The following ALPL variants were observed in gnomAD, a reference collection of about 807,000 sequenced individuals.
ALPL encodes the protein alkaline phosphatase, biomineralization associated.
In ALPL, 42 loss-of-function variants were observed where a neutral mutation model predicts 51.3. The observed-to-expected ratio is 0.82, with a 90% CI of 0.64 to 1.06. The LOEUF is 1.06. Among genes scored for constraint, ALPL ranks in the 50% least tolerant of loss-of-function variants. The probability of loss-of-function intolerance (pLI) is 0.00; values close to 1 mark genes in which losing one functional copy is unlikely to be tolerated. For synonymous variants in ALPL, 279 were observed against 296.4 expected (o/e 0.94, Z 0.60); for missense variants, 589 against 709.4 (o/e 0.83, Z 1.93).
intron 1 of ALPL, among the ~76,000 whole-genome samples, chr1:21,547,100 T>G (rs1644262755): frequency 6.6e-6 from 1 of 152,208 alleles, no homozygotes; most frequent in Admixed American, 6.5e-5. Flanking sequence ...TCCCGACTGT[T>G]TCCATAGAAC....
chr1:21,570,399 GA>G (rs774815319), intron 8 of ALPL, 25 bp downstream of exon 8: 3 of 1,611,406 alleles, frequency 1.9e-6, no homozygotes, highest in Non-Finnish European at 2.5e-6. Context: ...TGGAGGGGAG[GA>G]TGCATGGCTC....
At chr1:21,514,056 C>T (rs1269054990) in intron 1 of ALPL, among the ~76,000 whole-genome samples, 1 of 152,204 alleles carries the variant, frequency 6.6e-6, no homozygotes, top group Non-Finnish European at 1.5e-5. Context: ...TCAGGGGGCT[C>T]AGGGTGAGAA....
chr1:21,575,958 G>C, intron 10 of ALPL, 34 bp downstream of exon 10: 1 of 1,612,914 alleles, frequency 6.2e-7, no homozygotes, highest in Non-Finnish European at 8.5e-7. Context: ...GACACTCCTG[G>C]GGTCTCCTGT....
At chr1:21,573,301 G>A (rs1027177782) in intron 8 of ALPL, among the ~76,000 whole-genome samples, 1 of 152,064 alleles carries the variant, frequency 6.6e-6, no homozygotes, top group Non-Finnish European at 1.5e-5. Context: ...GCTGGGTGTG[G>A]TGATGCATGT....
chr1:21,555,038 A>C (rs991522724), intron 2 of ALPL, among the ~76,000 whole-genome samples: 3 of 151,720 alleles, frequency 2.0e-5, no homozygotes, highest in African/African-American at 4.8e-5. Flanking sequence ...ACCTGGGTGC[A>C]GGCGGGCTAA....
At chr1:21,568,003 C>A in intron 6 of ALPL, 101 bp from the exon 7 acceptor site, 1 of 1,537,196 alleles carries the variant, frequency 6.5e-7, no homozygotes, top group Non-Finnish European at 9.0e-7. Context: ...AGTGTCCACA[C>A]CATCTCCAGG....
upstream of ALPL, chr1:21,509,270 G>T (rs1027618505): frequency 4.4e-4 from 64 of 145,754 alleles, no homozygotes; most frequent in African/African-American, 1.5e-3. The surrounding 1 kb of genome is among the most constrained non-coding windows in gnomAD (Gnocchi z 6.0). Flanking sequence ...CTCGTGGCAC[G>T]ACCGGCCCGC....
At chr1:21,541,308 G>A (rs571894659) in intron 1 of ALPL, among the ~76,000 whole-genome samples, 2 of 152,332 alleles carry the variant, frequency 1.3e-5, no homozygotes, top group African/African-American at 2.4e-5. Flanking sequence ...GTGTATGAAG[G>A]CATCCTTACA....
At chr1:21,520,896 C>G (rs751214156) in intron 1 of ALPL, among the ~76,000 whole-genome samples, 6 of 152,216 alleles carry the variant, frequency 3.9e-5, no homozygotes, top group African/African-American at 9.6e-5. Context: ...GCCTCAAACT[C>G]AGGTCAGGAT....
chr1:21,562,765 G>T (rs1644502332), intron 4 of ALPL, among the ~76,000 whole-genome samples: 1 of 151,198 alleles, frequency 6.6e-6, no homozygotes, highest in South Asian at 2.1e-4. Flanking sequence ...CCTTCTCCAG[G>T]ACTCCCCTGC....
intron 5 of ALPL, among the ~76,000 whole-genome samples, 178 bp from the exon 6 acceptor site, chr1:21,563,863 C>T (rs1045075739): frequency 4.6e-5 from 7 of 151,628 alleles, no homozygotes; most frequent in Non-Finnish European, 1.0e-4. Context: ...TCTGGCTGCT[C>T]GGCTACTTGG....
At chr1:21,532,027 A>G (rs1035750363) in intron 1 of ALPL, among the ~76,000 whole-genome samples, 1 of 152,080 alleles carries the variant, frequency 6.6e-6, no homozygotes, top group East Asian at 1.9e-4. Flanking sequence ...AGGAGGACCC[A>G]GGAGCCATAT....
chr1:21,577,244 G>T, intron 11 of ALPL, 139 bp from the exon 12 acceptor site: 3 of 1,388,400 alleles, frequency 2.2e-6, no homozygotes, highest in Non-Finnish European at 3.0e-6. Flanking sequence ...TAGGCAAAAT[G>T]ACTTTCCCAC....
chr1:21,538,132 T>C (rs1246126169), intron 1 of ALPL, among the ~76,000 whole-genome samples: 2 of 152,212 alleles, frequency 1.3e-5, no homozygotes, highest in Non-Finnish European at 2.9e-5. Flanking sequence ...CCTTGTTTAT[T>C]GTCTCACTGA....
Position 21,555,460 on chromosome 1 carries a change from A to G in ALPL, c.61+1318A>G, listed in dbSNP as rs1644400443. On this transcript the variant is annotated intron_variant, in intron 2 of 11. Transcript: ENST00000374840. ...AGACAGACTCTCACTCTGTTTGCCC[A>G]GGATGGAGTGCAGTGACGTGATCTC... Among the ~76,000 whole-genome samples the G allele has an allele frequency of 2.0e-5, 3 of 152,248 alleles. No homozygotes were observed. The South Asian group carries it at 6.2e-4, about 32-fold the overall frequency.
intron 1 of ALPL, among the ~76,000 whole-genome samples, chr1:21,522,249 A>AT (rs557372348): frequency 3.9e-5 from 6 of 151,954 alleles, no homozygotes; most frequent in East Asian, 1.9e-4. Context: ...TTTTTGTTGT[A>AT]TTTTTTAGTA....
At chr1:21,522,351 G>A (rs1013463837) in intron 1 of ALPL, among the ~76,000 whole-genome samples, 1 of 152,194 alleles carries the variant, frequency 6.6e-6, no homozygotes, top group Non-Finnish European at 1.5e-5. Flanking sequence ...TGGGATTACA[G>A]GCGTGAGCCA....
At position 21,510,785 on chromosome 1, in the gene ALPL, C is replaced by A. The variant is rs11578151; in HGVS notation, c.-105+1268C>A. 5.7e-3 allele frequency among the ~76,000 whole-genome samples: 870 copies of A among 152,328 alleles called. 12 individuals are homozygous for A. The highest frequency in any genetic ancestry group is 0.02 in the African/African-American group (828 of 41,576). ...GTCTTGCTCTTTCCAACTGTTTAGT[C>A]CTCCCCACCTGTGGGTGTCCCCACG... On this transcript the variant is annotated intron_variant, in intron 1 of 11. Coordinates refer to ENST00000374840, the MANE Select transcript of ALPL (RefSeq NM_000478.6).
At chr1:21,555,920 G>T (rs182326839) in intron 2 of ALPL, among the ~76,000 whole-genome samples, 1 of 151,500 alleles carries the variant, frequency 6.6e-6, no homozygotes, top group Non-Finnish European at 1.5e-5. Context: ...ACAGGTGCCC[G>T]CCACCACGCG....
Sources: allele counts gnomAD v4.1 joint callset (sites outside exome capture counted in the v4.1 genomes callset), GRCh38; gene constraint gnomAD v4.1.1; non-coding constraint Gnocchi (gnomAD v3.1); transcripts MANE v1.5; gene names NCBI Gene and HGNC (gene_info 2026-07-23, HGNC 2026-07-21).